Variants in CSMD1 observed in about 807,000 individuals in gnomAD.
CSMD1 encodes CUB and Sushi multiple domains 1.
CSMD1 carries 213 observed loss-of-function variants against 417.5 expected under a neutral mutation model. The ratio of observed to expected loss-of-function variants is 0.51; its 90% confidence interval spans 0.46 to 0.57. The LOEUF is 0.57. CSMD1 is among the 20% of genes least tolerant of loss of function. The pLI, the probability that CSMD1 is intolerant of heterozygous loss-of-function variation, is 0.00. For missense variants in CSMD1, 6,923 were observed against 4,529.7 expected (o/e 1.53, Z -15.17); for synonymous variants, 2,862 against 1,736.8 (o/e 1.65, Z -16.11).
intron 5 of CSMD1, among the ~76,000 whole-genome samples, chr8:3,939,065 G>C (rs896449260): frequency 6.6e-6 from 1 of 152,082 alleles, no homozygotes; most frequent in African/African-American, 2.4e-5. Flanking sequence ...CCAACAGTCT[G>C]ACAGAATAAA....
intron 1 of CSMD1, among the ~76,000 whole-genome samples, chr8:4,834,766 C>T (rs1800360481): frequency 6.6e-6 from 1 of 151,514 alleles, no homozygotes; most frequent in East Asian, 2.0e-4. Flanking sequence ...ACCATCCTGG[C>T]TAACACGGTG....
At chr8:4,227,995 AACCCCACACCTGGAGACATACCCTCC>A (rs562101634) in intron 3 of CSMD1, among the ~76,000 whole-genome samples, 216 of 151,610 alleles carry the variant, frequency 1.4e-3, no homozygotes, top group Non-Finnish European at 1.9e-3. Context: ...TCCTACATTA[AACCCCACACCTGGAGACATACCCTCC>A]ACCCCACATT....
rs184705846 is a variant in CSMD1 at position 4,826,516 on chromosome 8, G to C, written c.85+167816C>G. On this transcript the variant is annotated intron_variant, in intron 1 of 69. Transcript: ENST00000635120. ...TTTATTTATTTATACAAATTCATGG[G>C]GTACATGAAAATTTTGTTACGTGTC... Among the ~76,000 whole-genome samples the C allele has an allele frequency of 2.2e-3, 342 of 152,072 alleles. 1 individual carries two copies. Among genetic ancestry groups the C allele is most frequent in the African/African-American group, 7.8e-3 (324 of 41,476 alleles).
At chr8:3,958,588 C>G (rs1346203013) in intron 5 of CSMD1, among the ~76,000 whole-genome samples, 3 of 152,102 alleles carry the variant, frequency 2.0e-5, no homozygotes, top group African/African-American at 7.2e-5. Context: ...TGTTCTTTAT[C>G]CATTCACATA....
At chr8:3,401,090 C>A (rs1812012001) in intron 15 of CSMD1, among the ~76,000 whole-genome samples, 1 of 151,720 alleles carries the variant, frequency 6.6e-6, no homozygotes, top group Non-Finnish European at 1.5e-5. Flanking sequence ...CAATGCAACA[C>A]ATTCTTTTAT....
chr8:3,359,375 A>T, intron 20 of CSMD1, 35 bp from the exon 21 acceptor site: 1 of 1,479,148 alleles, frequency 6.8e-7, no homozygotes, highest in Non-Finnish European at 9.4e-7. Flanking sequence ...ATGCATGAGG[A>T]TTTGGGTAAA....
At chr8:4,159,916 T>TA (rs1254351296) in intron 3 of CSMD1, among the ~76,000 whole-genome samples, 3 of 151,818 alleles carry the variant, frequency 2.0e-5, no homozygotes, top group Non-Finnish European at 4.4e-5. Context: ...AAGAATGATA[T>TA]AAAAAACTTT....
intron 11 of CSMD1, among the ~76,000 whole-genome samples, chr8:3,486,364 G>A (rs940101539): frequency 8.5e-5 from 13 of 152,184 alleles, no homozygotes; most frequent in African/African-American, 3.1e-4. Flanking sequence ...GTAAATGCAT[G>A]CATCTATTGT....
intron 3 of CSMD1, among the ~76,000 whole-genome samples, chr8:4,078,671 C>T (rs1799958958): frequency 6.7e-6 from 1 of 149,908 alleles, no homozygotes; most frequent in Non-Finnish European, 1.5e-5. Context: ...TGAGAAAAAA[C>T]TTGCTGTATT....
At chr8:3,938,118 AATG>A (rs1810629481) in intron 5 of CSMD1, among the ~76,000 whole-genome samples, 1 of 152,158 alleles carries the variant, frequency 6.6e-6, no homozygotes, top group East Asian at 1.9e-4. Flanking sequence ...AAGCATATAA[AATG>A]TTAGATGTAA....
At chr8:4,827,387 T>G (rs17071614) in intron 1 of CSMD1, among the ~76,000 whole-genome samples, 2,839 of 152,252 alleles carry the variant, frequency 0.019, 96 homozygotes, top group African/African-American at 0.065. Flanking sequence ...CGAGTTACCT[T>G]CCTCGACTTC....
At chr8:3,573,351 A>G (rs757941952) in intron 10 of CSMD1, among the ~76,000 whole-genome samples, 1 of 152,204 alleles carries the variant, frequency 6.6e-6, no homozygotes, top group Non-Finnish European at 1.5e-5. Context: ...GTAACAAACC[A>G]TTGAGTAGCA....
At chr8:4,898,890 C>T (rs989026909) in intron 1 of CSMD1, among the ~76,000 whole-genome samples, 1 of 152,058 alleles carries the variant, frequency 6.6e-6, no homozygotes, top group African/African-American at 2.4e-5. Context: ...CAGCTAGATA[C>T]ATTATTTATC....
chr8:4,124,946 G>A (rs1307082328), intron 3 of CSMD1, among the ~76,000 whole-genome samples: 3 of 152,058 alleles, frequency 2.0e-5, no homozygotes, highest in Non-Finnish European at 2.9e-5. Context: ...ACTCTTCCGG[G>A]TCCCCTTCCA....
intron 19 of CSMD1, among the ~76,000 whole-genome samples, chr8:3,367,961 T>G (rs952067699): frequency 1.3e-5 from 2 of 152,108 alleles, no homozygotes; most frequent in Non-Finnish European, 2.9e-5. Context: ...TATTTGGAGG[T>G]CTGCATAACC....
At chr8:3,378,515 C>G (rs1810449375) in intron 18 of CSMD1, among the ~76,000 whole-genome samples, 1 of 152,134 alleles carries the variant, frequency 6.6e-6, no homozygotes. Context: ...TGCTGGCAAA[C>G]CAATTCCAGC....
chr8:3,608,450 G>A (rs1348132324), intron 8 of CSMD1, among the ~76,000 whole-genome samples: 2 of 152,038 alleles, frequency 1.3e-5, no homozygotes, highest in African/African-American at 2.4e-5. Flanking sequence ...TAAAAGGATA[G>A]AAGAATTTGA....
At chr8:4,622,143 G>T (rs749991174) in intron 2 of CSMD1, among the ~76,000 whole-genome samples, 2 of 140,678 alleles carry the variant, frequency 1.4e-5, no homozygotes, top group African/African-American at 2.7e-5. Flanking sequence ...ATTTATAGAA[G>T]ATTAAACGCA....
At chr8:4,744,508 G>T (rs1388184437) in intron 1 of CSMD1, among the ~76,000 whole-genome samples, 1 of 152,112 alleles carries the variant, frequency 6.6e-6, no homozygotes, top group African/African-American at 2.4e-5. Context: ...GTTTTTCTTT[G>T]TGATAATGGT....
Sources: allele counts gnomAD v4.1 joint callset (sites outside exome capture counted in the v4.1 genomes callset), GRCh38; gene constraint gnomAD v4.1.1; transcripts MANE v1.5; gene names NCBI Gene and HGNC (gene_info 2026-07-23, HGNC 2026-07-21).